Variants in DCHS2 observed in about 807,000 individuals in gnomAD.
DCHS2 encodes dachsous cadherin-related 2.
Under a neutral mutation model 182.4 loss-of-function variants are expected in DCHS2, and 142 were observed. The ratio of observed to expected loss-of-function variants is 0.78; its 90% CI spans 0.68 to 0.89. The LOEUF (loss-of-function observed/expected upper bound fraction) is 0.89. DCHS2 is among the 40% of genes least tolerant of loss of function. DCHS2 has a pLI of 0.00. For missense variants in DCHS2, 4,319 were observed against 4,198.6 expected, an observed-to-expected ratio of 1.03 and a Z score of -0.79; for synonymous variants, 1,740 against 1,663.3, an observed-to-expected ratio of 1.05 and a Z score of -1.12.
At chr4:154,285,870 T>G (rs1380014512) in intron 13 of DCHS2, among the ~76,000 whole-genome samples, 1 of 151,928 alleles carries the variant, frequency 6.6e-6, no homozygotes, top group Non-Finnish European at 1.5e-5. Flanking sequence ...GGGCCTTGAG[T>G]GAACATAGCT....
intron 1 of DCHS2, among the ~76,000 whole-genome samples, chr4:154,380,101 T>A (rs193002995): frequency 4.1e-4 from 63 of 152,252 alleles, no homozygotes; most frequent in African/African-American, 1.5e-3. Context: ...ACCCGAAATG[T>A]TAGTAGTGCC....
intron 1 of DCHS2, among the ~76,000 whole-genome samples, chr4:154,383,192 T>G (rs900601616): frequency 6.6e-6 from 1 of 152,162 alleles, no homozygotes; most frequent in Non-Finnish European, 1.5e-5. Context: ...TGCAGAAACA[T>G]GAATGCAGCT....
At chr4:154,459,000 T>C (rs983034191) in intron 1 of DCHS2, among the ~76,000 whole-genome samples, 4 of 152,192 alleles carry the variant, frequency 2.6e-5, no homozygotes, top group Non-Finnish European at 5.9e-5. Context: ...AATACTACAG[T>C]GATAACTGCT....
At chr4:154,469,445 T>C (rs183735279) in intron 1 of DCHS2, among the ~76,000 whole-genome samples, 1 of 152,202 alleles carries the variant, frequency 6.6e-6, no homozygotes, top group Non-Finnish European at 1.5e-5. Flanking sequence ...TATTAAGACC[T>C]GAAAGGAATT....
intron 13 of DCHS2, among the ~76,000 whole-genome samples, chr4:154,275,245 G>A (rs1198583778): frequency 1.3e-5 from 2 of 151,936 alleles, no homozygotes; most frequent in Non-Finnish European, 2.9e-5. Flanking sequence ...TCAAAAAAAA[G>A]GGATAAAACA....
chr4:154,459,781 T>TCC (rs1246577719), intron 1 of DCHS2, among the ~76,000 whole-genome samples: 1 of 134,180 alleles, frequency 7.5e-6, no homozygotes, highest in African/African-American at 2.7e-5. Flanking sequence ...TCTCTCTCTC[T>TCC]CTATGTCTAT....
intron 15 of DCHS2, among the ~76,000 whole-genome samples, chr4:154,258,674 C>T (rs1272813609): frequency 1.3e-5 from 2 of 152,052 alleles, no homozygotes; most frequent in East Asian, 3.9e-4. Context: ...ACTGTGGGGT[C>T]TTTTTATATA....
intron 1 of DCHS2, among the ~76,000 whole-genome samples, chr4:154,485,817 T>A (rs1728560899): frequency 6.6e-6 from 1 of 152,258 alleles, no homozygotes; most frequent in Non-Finnish European, 1.5e-5. Context: ...TAGTACAGAC[T>A]AAGATCTGGT....
At position 154,333,095 on chromosome 4, in the gene DCHS2, T is replaced by C; in HGVS notation, c.3113A>G (p.Asn1038Ser). 2 of 1,614,008 alleles carry C rather than the reference T, an allele frequency of 1.2e-6. No homozygotes were observed. Among genetic ancestry groups the C allele is most frequent in the South Asian group, 1.1e-5 (1 of 91,070 alleles). Residue 1038 changes from asparagine to serine, a missense_variant, in exon 5 of 20, where the codon AAC becomes AGC. Asn to Ser is a conservative substitution (Grantham distance 46). Coordinates refer to ENST00000357232, the MANE Select transcript of DCHS2 (RefSeq NM_001358235.2). ...IDRALGVLFL[N>S]GSLGAGEQRE... ...CTGCTCGCCCGCGCCCAGGCTGCCG[T>C]TGAGGAACAGCACCCCCAGGGCTCT...
intron 1 of DCHS2, among the ~76,000 whole-genome samples, chr4:154,440,687 A>G (rs956582470): frequency 1.3e-5 from 2 of 152,188 alleles, no homozygotes; most frequent in Non-Finnish European, 2.9e-5. Flanking sequence ...TTTTAATGAG[A>G]CATCAAAATC....
intron 1 of DCHS2, among the ~76,000 whole-genome samples, chr4:154,463,114 T>C (rs902252259): frequency 3.3e-5 from 5 of 151,238 alleles, no homozygotes; most frequent in African/African-American, 1.2e-4. Context: ...TACATACTTA[T>C]GTATATACAT....
At chr4:154,350,531 A>C (rs1418451425) in intron 3 of DCHS2, among the ~76,000 whole-genome samples, 4 of 152,212 alleles carry the variant, frequency 2.6e-5, no homozygotes, top group Non-Finnish European at 5.9e-5. Flanking sequence ...AACAGAATCA[A>C]GGCCTTGGCT....
intron 13 of DCHS2, among the ~76,000 whole-genome samples, chr4:154,271,879 A>G (rs1309173921): frequency 6.6e-6 from 1 of 152,162 alleles, no homozygotes; most frequent in African/African-American, 2.4e-5. Flanking sequence ...TTCTATGATC[A>G]GTATCATGAT....
chr4:154,368,517 C>CT (rs35087635), intron 2 of DCHS2, among the ~76,000 whole-genome samples: 140 of 142,032 alleles, frequency 9.9e-4, no homozygotes, highest in South Asian at 1.6e-3. Context: ...ACGTATAATA[C>CT]TTTTTTTTTT....
Position 154,438,673 on chromosome 4 carries a change from A to C in DCHS2, c.2052+50631T>G, listed in dbSNP as rs114003138. ...GGTCTTCTTTTATGTACCTCCATAA[A>C]ATTTAATAGTTCTCTTTCCAAAAGT... On this transcript the variant is annotated intron_variant, in intron 1 of 19. Transcript: ENST00000357232. Among the ~76,000 whole-genome samples, 1,416 of 152,326 alleles carry C rather than the reference A, an allele frequency of 9.3e-3. 29 individuals are homozygous for C. Among genetic ancestry groups the C allele is most frequent in the Non-Finnish European group, 0.011 (746 of 68,028 alleles).
intron 1 of DCHS2, among the ~76,000 whole-genome samples, chr4:154,387,537 T>G (rs1731477972): frequency 6.6e-6 from 1 of 151,928 alleles, no homozygotes; most frequent in African/African-American, 2.4e-5. Flanking sequence ...CAAAAGAGAT[T>G]CTACACCAAT....
intron 7 of DCHS2, among the ~76,000 whole-genome samples, chr4:154,323,840 A>G (rs537270805): frequency 2.6e-5 from 4 of 151,624 alleles, no homozygotes; most frequent in African/African-American, 7.2e-5. Flanking sequence ...CAATATGTAT[A>G]TGCAAATATC....
At chr4:154,346,398 C>T (rs948105549) in intron 3 of DCHS2, among the ~76,000 whole-genome samples, 1 of 152,116 alleles carries the variant, frequency 6.6e-6, no homozygotes, top group Non-Finnish European at 1.5e-5. Context: ...TCCTCTAGGT[C>T]CTGATGTACT....
At chr4:154,457,944 C>T (rs1445875746) in intron 1 of DCHS2, among the ~76,000 whole-genome samples, 3 of 152,218 alleles carry the variant, frequency 2.0e-5, no homozygotes, top group Non-Finnish European at 2.9e-5. Flanking sequence ...ATTGTAATTA[C>T]ATCAGTATGC....
Sources: gnomAD v4.1 joint callset for allele counts (sites outside exome capture counted in the v4.1 genomes callset) on GRCh38, gnomAD v4.1.1 for gene constraint, MANE v1.5 for transcripts, NCBI Gene and HGNC (gene_info 2026-07-23, HGNC 2026-07-21) for gene names.